PDZRN3: variants seen among roughly 807,000 people sequenced by gnomAD.
PDZRN3 encodes E3 ubiquitin-protein ligase PDZRN3.
A neutral mutation model predicts 85.7 loss-of-function variants in PDZRN3; 38 were observed. That is an observed-to-expected ratio of 0.44 (90% confidence interval 0.34 to 0.58). The LOEUF is 0.58. PDZRN3 is among the 20% of genes least tolerant of loss of function. PDZRN3 has a pLI of 0.01. For missense variants in PDZRN3, 1,629 were observed against 1,506.4 expected (o/e 1.08, Z -1.35); for synonymous variants, 759 against 638.0 (o/e 1.19, Z -2.86).
chr3:73,614,534 T>C lies in PDZRN3; in HGVS notation c.724-5850A>G, dbSNP rs142155801. On this transcript the variant is annotated intron_variant, in intron 1 of 9. Coordinates refer to ENST00000263666, the MANE Select transcript of PDZRN3 (RefSeq NM_015009.3). ...CTGGCTAGACTGGAAAGCTGCCCAGTAGGTTTTGAGAAATGTAACTGACTG... is the reference window on the plus strand; with the variant it reads ...CTGGCTAGACTGGAAAGCTGCCCAGCAGGTTTTGAGAAATGTAACTGACTG... Among the ~76,000 whole-genome samples, 153 of 152,314 alleles carry C rather than the reference T, an allele frequency of 1.0e-3. 1 individual carries two copies. In the Middle Eastern group the frequency reaches 0.017, roughly 17 times the overall value.
chr3:73,383,402 C>T lies in PDZRN3; in HGVS notation c.3164G>A (p.Arg1055Lys). 2 of 1,613,692 alleles carry T rather than the reference C, an allele frequency of 1.2e-6. No homozygotes were observed. The highest frequency in any genetic ancestry group is 1.7e-6 in the Non-Finnish European group (2 of 1,179,758). Residue 1055 changes from arginine to lysine, a missense_variant, in exon 10 of 10, where the codon AGA (arginine) becomes AAA (lysine). Transcript: ENST00000263666. ...THGTKSPDGT[R>K]VYNSFLSVTT... ...CACCGATAGGAAGGAATTGTATACT[C>T]TAGTGCCGTCCGGGGATTTTGTGCC...
At chr3:73,612,705 G>C (rs1437417145) in intron 1 of PDZRN3, among the ~76,000 whole-genome samples, 2 of 152,200 alleles carry the variant, frequency 1.3e-5, no homozygotes, top group Non-Finnish European at 2.9e-5. Context: ...TCTGAGTTCA[G>C]GGCTGGACTT....
At chr3:73,623,208 TCTA>T (rs1268914943) in intron 1 of PDZRN3, among the ~76,000 whole-genome samples, 1 of 152,202 alleles carries the variant, frequency 6.6e-6, no homozygotes, top group Non-Finnish European at 1.5e-5. Context: ...ACGAGGCCCT[TCTA>T]CTAAACTCTC....
chr3:73,477,982 T>C (rs764567991), intron 3 of PDZRN3, among the ~76,000 whole-genome samples: 24 of 152,140 alleles, frequency 1.6e-4, no homozygotes, highest in Non-Finnish European at 2.8e-4. Context: ...GCCCCCATGA[T>C]TCAATTACCT....
chr3:73,466,140 G>A, intron 3 of PDZRN3, among the ~76,000 whole-genome samples: 1 of 152,146 alleles, frequency 6.6e-6, no homozygotes, highest in Non-Finnish European at 1.5e-5. Flanking sequence ...CACAGCAGGA[G>A]CCTGCTGTAA....
At chr3:73,581,060 T>C (rs1293658320) in intron 3 of PDZRN3, among the ~76,000 whole-genome samples, 2 of 152,170 alleles carry the variant, frequency 1.3e-5, no homozygotes, top group African/African-American at 2.4e-5. Context: ...AGTTTGAGGT[T>C]TACTCAAATG....
chr3:73,395,802 CAAAA>C (rs1166025648), intron 5 of PDZRN3, among the ~76,000 whole-genome samples: 1 of 152,138 alleles, frequency 6.6e-6, no homozygotes, highest in Non-Finnish European at 1.5e-5. Context: ...TTCCTTCATT[CAAAA>C]AATATTTCCT....
At chr3:73,441,065 G>A (rs577154188) in intron 3 of PDZRN3, among the ~76,000 whole-genome samples, 2 of 152,180 alleles carry the variant, frequency 1.3e-5, no homozygotes, top group African/African-American at 2.4e-5. Flanking sequence ...ACACTTTGTG[G>A]GTCAAGAGGC....
intron 3 of PDZRN3, among the ~76,000 whole-genome samples, chr3:73,554,348 G>C (rs1701636972): frequency 9.4e-6 from 1 of 106,374 alleles, no homozygotes; most frequent in Non-Finnish European, 1.9e-5. Flanking sequence ...GGATTGTTGA[G>C]AGAAGACACA....
intron 3 of PDZRN3, among the ~76,000 whole-genome samples, chr3:73,527,587 G>GA (rs145313630): frequency 0.04 from 6,054 of 149,848 alleles, 154 homozygotes; most frequent in Non-Finnish European, 0.064. Context: ...TCTAGGACAT[G>GA]AAAAAAAAAA....
intron 3 of PDZRN3, among the ~76,000 whole-genome samples, chr3:73,459,524 G>A (rs189509155): frequency 3.3e-5 from 5 of 151,948 alleles, no homozygotes; most frequent in Admixed American, 6.6e-5. Flanking sequence ...CCTCAAGTAG[G>A]CTCCAGTATC....
At chr3:73,532,291 A>G (rs1489108092) in intron 3 of PDZRN3, among the ~76,000 whole-genome samples, 2 of 152,110 alleles carry the variant, frequency 1.3e-5, no homozygotes, top group Non-Finnish European at 2.9e-5. Flanking sequence ...GTGAGGTACG[A>G]CGCCCAGCCA....
chr3:73,615,436 C>T (rs1385771562), intron 1 of PDZRN3, among the ~76,000 whole-genome samples: 1 of 152,170 alleles, frequency 6.6e-6, no homozygotes, highest in Non-Finnish European at 1.5e-5. Context: ...GTGCTACGAT[C>T]TAAATGTTTA....
At chr3:73,415,850 C>T (rs1258853675) in intron 3 of PDZRN3, among the ~76,000 whole-genome samples, 2 of 152,074 alleles carry the variant, frequency 1.3e-5, no homozygotes, top group Admixed American at 6.5e-5. Flanking sequence ...GTGATTACTA[C>T]AGTCAAGCAA....
At chr3:73,428,762 GTTAATTA>G (rs1702370333) in intron 3 of PDZRN3, among the ~76,000 whole-genome samples, 1 of 151,810 alleles carries the variant, frequency 6.6e-6, no homozygotes, top group Non-Finnish European at 1.5e-5. Context: ...ATAATCCATT[GTTAATTA>G]ACAAGAAAAC....
intron 3 of PDZRN3, among the ~76,000 whole-genome samples, chr3:73,594,885 A>C (rs1436620307): frequency 2.0e-5 from 3 of 152,186 alleles, no homozygotes; most frequent in African/African-American, 7.2e-5. Context: ...TGCTAGTGAA[A>C]AGACAGTCAT....
chr3:73,523,015 T>G (rs1704409514), intron 3 of PDZRN3, among the ~76,000 whole-genome samples: 1 of 146,442 alleles, frequency 6.8e-6, no homozygotes, highest in African/African-American at 2.5e-5. Flanking sequence ...GTTTTTTTTG[T>G]TTGTTTGTTT....
intron 3 of PDZRN3, among the ~76,000 whole-genome samples, chr3:73,551,802 T>C (rs1462918839): frequency 6.6e-6 from 1 of 152,090 alleles, no homozygotes. Flanking sequence ...ATTTTTGAGA[T>C]GCTACCTTCT....
chr3:73,448,590 GT>G lies in PDZRN3; in HGVS notation c.919-44196del, dbSNP rs532121494. 1.3e-4 allele frequency among the ~76,000 whole-genome samples: 20 copies of G among 150,890 alleles called. 1 individual carries two copies. The highest frequency in any genetic ancestry group is 3.4e-4 in the African/African-American group (14 of 41,046). ...AGAGCTAAACACTAATCTCAATCTT[GT>G]TTTTTTTTCCTGGGGACTAAGCTGC... On this transcript the variant is annotated intron_variant, in intron 3 of 9. Coordinates refer to ENST00000263666, the MANE Select transcript of PDZRN3 (RefSeq NM_015009.3).
Sources: allele counts gnomAD v4.1 joint callset (sites outside exome capture counted in the v4.1 genomes callset), GRCh38; gene constraint gnomAD v4.1.1; transcripts MANE v1.5; gene names NCBI Gene and HGNC (gene_info 2026-07-23, HGNC 2026-07-21).